TNNI3K: variants seen among roughly 807,000 people sequenced by gnomAD.
TNNI3K encodes serine/threonine-protein kinase TNNI3K.
In TNNI3K, 140 loss-of-function variants were observed where a neutral mutation model predicts 114.5. The observed-to-expected ratio is 1.22, with a 90% CI of 1.07 to 1.41. The LOEUF (loss-of-function observed/expected upper bound fraction) is 1.41. TNNI3K is among the 40% of genes most tolerant of loss of function. The pLI, the probability that TNNI3K is intolerant of heterozygous loss-of-function variation, is 0.00. For synonymous variants in TNNI3K, 347 were observed against 347.5 expected, an observed-to-expected ratio of 1.00 and a Z score of 0.02; for missense variants, 1,125 against 1,007.6, an observed-to-expected ratio of 1.12 and a Z score of -1.58.
At chr1:74,438,191 CTG>C (rs1481062154) in intron 19 of TNNI3K, among the ~76,000 whole-genome samples, 1 of 151,798 alleles carries the variant, frequency 6.6e-6, no homozygotes, top group East Asian at 2.0e-4. Context: ...TATGACCCCT[CTG>C]TGCAAAAACG....
At chr1:74,249,641 A>G (rs1654806948) in intron 3 of TNNI3K, 97 bp downstream of exon 3, 2 of 1,223,890 alleles carry the variant, frequency 1.6e-6, no homozygotes, top group Admixed American at 5.1e-5. Context: ...TTCTATTCAT[A>G]CTCAATTTTC....
chr1:74,454,148 A>C (rs772918031), intron 20 of TNNI3K, among the ~76,000 whole-genome samples: 72 of 152,136 alleles, frequency 4.7e-4, no homozygotes, highest in Non-Finnish European at 9.4e-4. Context: ...TTCAGGCATA[A>C]AATGTGTAAT....
chr1:74,260,861 T>C (rs991736419), intron 4 of TNNI3K, among the ~76,000 whole-genome samples: 10 of 152,114 alleles, frequency 6.6e-5, no homozygotes, highest in African/African-American at 2.4e-4. Flanking sequence ...CACATATATG[T>C]GTTCATAAAT....
chr1:74,254,112 A>C (rs1041878177), intron 4 of TNNI3K, among the ~76,000 whole-genome samples: 3 of 152,234 alleles, frequency 2.0e-5, no homozygotes, highest in African/African-American at 4.8e-5. Flanking sequence ...TAGTACAAGA[A>C]ACTGCTTATC....
In TNNI3K at chr1:74,342,802, A is replaced by T. The variant is rs1282352090; in HGVS notation, c.683-40A>T. ...ACATATGAAGGTTGAGAAACAAACA[A>T]TTCTAGATAACATATCTTTTTCTTT... On this transcript the variant is annotated intron_variant, in intron 7 of 24. Coordinates refer to ENST00000326637, the MANE Select transcript of TNNI3K (RefSeq NM_015978.3). The T allele has an allele frequency of 2.5e-6, 4 of 1,610,718 alleles. No individual in the cohort carries two copies. The African/African-American group carries it at 5.3e-5, about 22-fold the overall frequency.
intron 23 of TNNI3K, among the ~76,000 whole-genome samples, chr1:74,503,433 A>T (rs1454774269): frequency 2.0e-5 from 3 of 152,234 alleles, no homozygotes; most frequent in Admixed American, 1.3e-4. Context: ...ACATTATATT[A>T]GTATCTAACC....
intron 11 of TNNI3K, among the ~76,000 whole-genome samples, chr1:74,362,784 G>C (rs923299956): frequency 5.3e-5 from 8 of 152,036 alleles, no homozygotes; most frequent in African/African-American, 1.9e-4. Context: ...AATATAAGAA[G>C]TAAAGGAACA....
At chr1:74,403,115 G>A (rs914591313) in intron 17 of TNNI3K, among the ~76,000 whole-genome samples, 2 of 151,540 alleles carry the variant, frequency 1.3e-5, no homozygotes, top group African/African-American at 2.4e-5. Context: ...TGTGCTTCTG[G>A]GTATTTTATT....
intron 11 of TNNI3K, among the ~76,000 whole-genome samples, chr1:74,360,834 A>G (rs1326313689): frequency 6.6e-6 from 1 of 152,052 alleles, no homozygotes; most frequent in Non-Finnish European, 1.5e-5. Flanking sequence ...CTCTGTGTTT[A>G]CCACTTTATA....
chr1:74,257,724 A>T (rs1655411810), intron 4 of TNNI3K, among the ~76,000 whole-genome samples: 1 of 126,566 alleles, frequency 7.9e-6, no homozygotes, highest in Admixed American at 1.0e-4. Flanking sequence ...GCTGGAGTGC[A>T]GTGGTGCGAT....
At chr1:74,504,383 T>C (rs1185734369) in intron 23 of TNNI3K, among the ~76,000 whole-genome samples, 1 of 152,166 alleles carries the variant, frequency 6.6e-6, no homozygotes, top group Non-Finnish European at 1.5e-5. Context: ...CTGAATGCTG[T>C]ACTAAGGATA....
In TNNI3K at chr1:74,489,197, CG is replaced by C; in HGVS notation, c.2131del (p.Glu711AsnfsTer7). On this transcript the variant is annotated frameshift_variant, in exon 22 of 25. Transcript: ENST00000326637. LOFTEE classifies it high-confidence loss of function. ...CTTTTTTCTATTTACAGGGAAGACC[CG>C]AATTTTCTGAAGTTGTCATGAAGTT... ...GWNACPEGRP[E>X]FSEVVMKLEE... is the part of the protein sequence containing the mutation. 1 of 1,610,284 alleles carries C rather than the reference CG, an allele frequency of 6.2e-7. No individual in the cohort carries two copies. The highest frequency in any genetic ancestry group is 8.5e-7 in the Non-Finnish European group (1 of 1,178,336).
intron 9 of TNNI3K, among the ~76,000 whole-genome samples, chr1:74,350,889 C>A (rs1661300190): frequency 6.6e-6 from 1 of 151,732 alleles, no homozygotes; most frequent in Non-Finnish European, 1.5e-5. Flanking sequence ...TTCCTGAATA[C>A]AGCACACTGA....
At chr1:74,525,985 G>A (rs1418608907) in intron 23 of TNNI3K, among the ~76,000 whole-genome samples, 4 of 152,152 alleles carry the variant, frequency 2.6e-5, no homozygotes, top group Non-Finnish European at 5.9e-5. Flanking sequence ...GAGGAGGAGA[G>A]GAAAGCTTTG....
At chr1:74,314,050 TATATATATATA>T (rs1659151100) in intron 5 of TNNI3K, among the ~76,000 whole-genome samples, 1 of 43,712 alleles carries the variant, frequency 2.3e-5, no homozygotes, top group Non-Finnish European at 4.6e-5. Context: ...GTTCATTATA[TATATATATATA>T]TATATATATA....
rs1354828854 is a variant in TNNI3K at position 74,342,978 on chromosome 1, C to G, written c.819C>G (p.Pro273=). The G allele has an allele frequency of 6.2e-7, 1 of 1,613,724 alleles. No homozygotes were observed. The highest frequency in any genetic ancestry group is 1.7e-5 in the Admixed American group (1 of 59,922). ...TTGTTAATATCTATGGAGATACCCC[C>G]TTACACCTGTGAGTATTATGTAGCA... The part of the protein sequence containing the change: ...PHVVNIYGDT[P]LHLACYNGKF... Residue 273 remains proline, a synonymous_variant, in exon 8 of 25, where the codon CCC becomes CCG. Coordinates refer to ENST00000326637, the MANE Select transcript of TNNI3K (RefSeq NM_015978.3).
intron 16 of TNNI3K, 30 bp downstream of exon 16, chr1:74,369,615 G>C (rs1662487794): frequency 3.2e-6 from 5 of 1,543,878 alleles, no homozygotes; most frequent in Non-Finnish European, 4.4e-6. Flanking sequence ...ATTTATCCTT[G>C]GACATTCCGT....
intron 20 of TNNI3K, 93 bp downstream of exon 20, chr1:74,439,715 C>T: frequency 1.9e-6 from 3 of 1,545,244 alleles, no homozygotes; most frequent in Admixed American, 1.9e-5. Flanking sequence ...AATGATTAGT[C>T]TCAGTGAGAT....
At chr1:74,437,694 A>G (rs1666198631) in intron 19 of TNNI3K, among the ~76,000 whole-genome samples, 1 of 151,934 alleles carries the variant, frequency 6.6e-6, no homozygotes, top group African/African-American at 2.4e-5. Flanking sequence ...GGGAACAATA[A>G]GTGATCTTTT....
Sources: allele counts gnomAD v4.1 joint callset (sites outside exome capture counted in the v4.1 genomes callset), GRCh38; gene constraint gnomAD v4.1.1; transcripts MANE v1.5; gene names NCBI Gene and HGNC (gene_info 2026-07-23, HGNC 2026-07-21).